Variants in ADGRA3 observed in about 807,000 individuals in gnomAD.
The protein encoded by ADGRA3 is adhesion G protein-coupled receptor A3, also known as G-protein coupled receptor 125.
In ADGRA3, 56 loss-of-function variants were observed where a neutral mutation model predicts 119.8. That is an observed-to-expected ratio of 0.47 (90% confidence interval 0.38 to 0.58). The LOEUF is 0.58. Ranked by LOEUF, ADGRA3 falls within the 20% of genes least tolerant of loss-of-function variation. The pLI is 0.00. For missense variants in ADGRA3, 1,516 were observed against 1,649.0 expected, an observed-to-expected ratio of 0.92 and a Z score of 1.40; for synonymous variants, 607 against 623.8, an observed-to-expected ratio of 0.97 and a Z score of 0.40.
chr4:22,464,200 G>A (rs12503615), intron 2 of ADGRA3, among the ~76,000 whole-genome samples: 134,738 of 152,202 alleles, frequency 0.89, 61,029 homozygotes, highest in Non-Finnish European at 0.99. Context: ...CCATCACTGG[G>A]TAGGTATTTC....
At chr4:22,402,600 T>TA (rs1714712549) in intron 15 of ADGRA3, 75 bp downstream of exon 15, 3 of 1,486,830 alleles carry the variant, frequency 2.0e-6, no homozygotes, top group Admixed American at 3.8e-5. Flanking sequence ...AACTCAATTT[T>TA]ATCCTAATTA....
At chr4:22,401,814 C>A (rs1432867312) in intron 15 of ADGRA3, among the ~76,000 whole-genome samples, 2 of 152,104 alleles carry the variant, frequency 1.3e-5, no homozygotes, top group Non-Finnish European at 2.9e-5. Context: ...ACTGCACCCA[C>A]TAAATGCTAA....
At chr4:22,392,145 C>T (rs755521096) in intron 17 of ADGRA3, among the ~76,000 whole-genome samples, 5 of 152,218 alleles carry the variant, frequency 3.3e-5, no homozygotes, top group Non-Finnish European at 7.3e-5. Context: ...GAAAAACACA[C>T]AAGTCTTCTT....
At position 22,401,467 on chromosome 4, in the gene ADGRA3, T is replaced by C; in HGVS notation, c.2445A>G (p.Gly815=). ...IFLTCVVFVG[G]ITQTRNASIC... ...TGCTGGCATTCCTAGTCTGGGTTAT[T>C]CCTCCCACAAAGACCACACAGGTTA... The change falls in exon 16 of 19, where the codon GGA becomes GGG. Residue 815 remains glycine, a synonymous_variant. Transcript: ENST00000334304. The C allele has an allele frequency of 6.2e-7, 1 of 1,612,068 alleles. No homozygotes were observed. The highest frequency in any genetic ancestry group is 1.7e-4 in the Middle Eastern group (1 of 6,058).
intron 8 of ADGRA3, among the ~76,000 whole-genome samples, 155 bp downstream of exon 8, chr4:22,438,101 T>C (rs1384908598): frequency 1.3e-5 from 2 of 152,214 alleles, no homozygotes; most frequent in African/African-American, 4.8e-5. Flanking sequence ...TTCATCTCCA[T>C]ATGTGATTCT....
At chr4:22,492,764 G>A (rs76388352) in intron 1 of ADGRA3, among the ~76,000 whole-genome samples, 5,208 of 152,232 alleles carry the variant, frequency 0.034, 137 homozygotes, top group African/African-American at 0.066. Context: ...GGCATACAAT[G>A]TAATGAATTA....
intron 1 of ADGRA3, among the ~76,000 whole-genome samples, chr4:22,482,465 G>C (rs1718286826): frequency 6.7e-6 from 1 of 148,504 alleles, no homozygotes; most frequent in South Asian, 2.2e-4. Flanking sequence ...AGACCAGCCT[G>C]GGCAACACAG....
intron 1 of ADGRA3, among the ~76,000 whole-genome samples, chr4:22,507,221 C>G (rs930434697): frequency 1.3e-5 from 2 of 152,034 alleles, no homozygotes; most frequent in African/African-American, 4.8e-5. Flanking sequence ...GCCTGGGCAA[C>G]AGAGCAAGAT....
chr4:22,424,602 T>C (rs1715857499), intron 10 of ADGRA3, among the ~76,000 whole-genome samples: 1 of 152,180 alleles, frequency 6.6e-6, no homozygotes, highest in Admixed American at 6.5e-5. Flanking sequence ...GTGAAAAGAC[T>C]GCCAGGTGTT....
chr4:22,419,288 C>G (rs952285090), intron 12 of ADGRA3, among the ~76,000 whole-genome samples: 1 of 151,720 alleles, frequency 6.6e-6, no homozygotes, highest in Non-Finnish European at 1.5e-5. Context: ...AAAAACTGCC[C>G]TAGTATAAAA....
chr4:22,515,883 A>G lies in ADGRA3; in HGVS notation c.-99T>C. 1.2e-6 allele frequency: 1 copy of G among 830,288 alleles called. No individual in the cohort carries two copies. Among genetic ancestry groups the G allele is most frequent in the Non-Finnish European group, 1.4e-6 (1 of 689,926 alleles). The allele number at this position is 830,288 out of a possible 1,614,324, so 51.4% of individuals were successfully genotyped here. ...GGAGCGCGGCGCGGGCCCAGCGGCG[A>G]CCGGAGCCTTATGGCGGCCGGAGGA... is the stretch of plus-strand genomic sequence containing the variant. On this transcript the variant is annotated 5_prime_UTR_variant, in exon 1 of 19. Transcript: ENST00000334304.
intron 1 of ADGRA3, among the ~76,000 whole-genome samples, chr4:22,499,248 C>T (rs6830414): frequency 0.76 from 114,962 of 152,174 alleles, 44,044 homozygotes; most frequent in East Asian, 1. Context: ...GAAAAATACA[C>T]GTTAGCAATG....
chr4:22,430,502 T>C (rs1173860971), intron 10 of ADGRA3, among the ~76,000 whole-genome samples: 2 of 152,172 alleles, frequency 1.3e-5, no homozygotes, highest in East Asian at 3.9e-4. Flanking sequence ...TTGTGGAAAT[T>C]TGAACTTGAG....
chr4:22,431,750 AAACT>A (rs1263973399), intron 10 of ADGRA3, among the ~76,000 whole-genome samples: 1 of 152,186 alleles, frequency 6.6e-6, no homozygotes, highest in African/African-American at 2.4e-5. Context: ...AGCAGAGTGA[AAACT>A]AACACAATGG....
Position 22,445,066 on chromosome 4 carries a change from T to C in ADGRA3, c.613A>G (p.Lys205Glu). 6.2e-7 allele frequency: 1 copy of C among 1,613,980 alleles called. No individual in the cohort carries two copies. The highest frequency in any genetic ancestry group is 2.2e-5 in the East Asian group (1 of 44,866). The part of the protein sequence containing the change: ...ILWMHRWVKE[K>E]NITVRDTRCV... ...CTGGTATCCCGTACCGTGATGTTCT[T>C]CTCCTTTACCCAGCGATGCATCCAC... Residue 205 changes from lysine (K) to glutamate (E), a missense_variant, in exon 6 of 19, where the codon AAG (lysine) becomes GAG (glutamate). By Grantham distance (56) the Lys-to-Glu change is moderately conservative. Coordinates refer to ENST00000334304, the MANE Select transcript of ADGRA3 (RefSeq NM_145290.4).
intron 4 of ADGRA3, among the ~76,000 whole-genome samples, chr4:22,450,951 A>ATATAT (rs1553877239): frequency 2.2e-3 from 275 of 122,774 alleles, no homozygotes; most frequent in African/African-American, 8.0e-3. Context: ...AAAAAAAAAA[A>ATATAT]ATATATATAT....
rs35417919 is a variant in ADGRA3, at chr4:22,470,320, T to TAA, written c.329+3450_329+3451dup. 7.0e-3 allele frequency among the ~76,000 whole-genome samples: 987 copies of TAA among 141,302 alleles called. 3 individuals carry two copies. Among genetic ancestry groups the TAA allele is most frequent in the African/African-American group, 0.017 (648 of 37,958 alleles). The allele number at this position is 141,302 out of a possible 152,430, so 92.7% of individuals were successfully genotyped here. On this transcript the variant is annotated intron_variant, in intron 2 of 18. Transcript: ENST00000334304. ...AAACCCCAAATCCAAGCTCCTAAAT[T>TAA]AAAAAAAAAAAAAAAATCAACCTAA...
At position 22,400,689 on chromosome 4, in the gene ADGRA3, T is replaced by TA. The variant is rs906327668; in HGVS notation, c.2481+741dup. On this transcript the variant is annotated intron_variant, in intron 16 of 18. Transcript: ENST00000334304. ...ATTTGTTTACAGAGATCACATGTTA[T>TA]ATATTTTTTTAATTACAGTTTTAAA... is the stretch of plus-strand genomic sequence containing the variant. 6.6e-5 allele frequency among the ~76,000 whole-genome samples: 10 copies of TA among 152,108 alleles called. 1 individual carries two copies. Among genetic ancestry groups the TA allele is most frequent in the Admixed American group, 6.6e-4 (10 of 15,266 alleles).
intron 1 of ADGRA3, among the ~76,000 whole-genome samples, chr4:22,501,557 A>G (rs940654471): frequency 6.6e-6 from 1 of 151,998 alleles, no homozygotes; most frequent in African/African-American, 2.4e-5. Flanking sequence ...CTCTCTTACC[A>G]GTCACGGAGG....
Sources: gnomAD v4.1 joint callset for allele counts (sites outside exome capture counted in the v4.1 genomes callset) on GRCh38, gnomAD v4.1.1 for gene constraint, MANE v1.5 for transcripts, NCBI Gene and HGNC (gene_info 2026-07-23, HGNC 2026-07-21) for gene names.